The following MPPED2 variants were observed in gnomAD, a reference collection of about 807,000 sequenced individuals.
The protein encoded by MPPED2 is metallophosphoesterase domain containing 2.
Under a neutral mutation model 33.0 loss-of-function variants are expected in MPPED2, and 5 were observed. The ratio of observed to expected loss-of-function variants is 0.15; its 90% CI spans 0.08 to 0.32. The LOEUF is 0.32. Ranked by LOEUF, MPPED2 falls within the 10% of genes least tolerant of loss-of-function variation. MPPED2 has a pLI of 1.00. For missense variants in MPPED2, 275 were observed against 372.1 expected (o/e 0.74, Z 2.15); for synonymous variants, 136 against 141.9 (o/e 0.96, Z 0.29).
chr11:30,539,480 A>G (rs1279324056), intron 2 of MPPED2, among the ~76,000 whole-genome samples: 4 of 152,186 alleles, frequency 2.6e-5, no homozygotes, highest in Admixed American at 2.0e-4. Flanking sequence ...AAAAAAACAT[A>G]GCAGCATAAA....
intron 1 of MPPED2, among the ~76,000 whole-genome samples, chr11:30,583,192 T>C (rs1224745055): frequency 1.6e-5 from 2 of 128,280 alleles, no homozygotes; most frequent in African/African-American, 6.2e-5. Context: ...CAAGGGACAA[T>C]AGACAAAACC....
At chr11:30,476,579 A>G (rs547136914) in intron 4 of MPPED2, among the ~76,000 whole-genome samples, 95 of 151,914 alleles carry the variant, frequency 6.3e-4, no homozygotes, top group African/African-American at 2.0e-3. Context: ...CTGTTTCTGG[A>G]TTTACTTTTC....
intron 4 of MPPED2, chr11:30,429,085 A>G (rs1465311985): frequency 1.3e-5 from 2 of 152,200 alleles, no homozygotes; most frequent in African/African-American, 4.8e-5. Context: ...GGGAGATAGA[A>G]AAGAGAAGTT....
rs74447395 is a variant in MPPED2 at position 30,577,032 on chromosome 11, C to T, written c.128+3214G>A. 7.9e-3 allele frequency among the ~76,000 whole-genome samples: 1,198 copies of T among 152,296 alleles called. 41 individuals carry two copies. In the East Asian group the frequency reaches 0.08, roughly 10 times the overall value. ...CATCAGCTCTGAAATCAGCAATGAG[C>T]TTCATGAAGATGGGGACTGGGTCTT... On this transcript the variant is annotated intron_variant, in intron 2 of 6. Coordinates refer to ENST00000358117, the MANE Select transcript of MPPED2 (RefSeq NM_001584.3).
intron 3 of MPPED2, among the ~76,000 whole-genome samples, chr11:30,510,863 G>A (rs1330619374): frequency 3.3e-5 from 5 of 152,174 alleles, no homozygotes; most frequent in Admixed American, 3.3e-4. Flanking sequence ...CCCATCCAAA[G>A]CTTGTAAAGT....
intron 4 of MPPED2, among the ~76,000 whole-genome samples, chr11:30,422,108 G>A (rs1162562214): frequency 6.6e-6 from 1 of 152,194 alleles, no homozygotes; most frequent in Non-Finnish European, 1.5e-5. Context: ...GTCCTCACTG[G>A]TTCAGTTTCC....
At chr11:30,453,756 G>T (rs1950164094) in intron 4 of MPPED2, among the ~76,000 whole-genome samples, 1 of 152,156 alleles carries the variant, frequency 6.6e-6, no homozygotes, top group Admixed American at 6.5e-5. Context: ...TTCCCCACTT[G>T]GCTTGAAAGG....
intron 3 of MPPED2, among the ~76,000 whole-genome samples, chr11:30,528,933 C>T (rs1284266431): frequency 6.6e-6 from 1 of 152,114 alleles, no homozygotes; most frequent in Non-Finnish European, 1.5e-5. Flanking sequence ...TCTGAAGAAA[C>T]AATTCTACTT....
intron 2 of MPPED2, among the ~76,000 whole-genome samples, chr11:30,567,365 T>A (rs974198615): frequency 2.0e-5 from 3 of 152,180 alleles, no homozygotes; most frequent in Admixed American, 6.5e-5. Context: ...ATTGCACGGT[T>A]TAGGGCAAGA....
intron 4 of MPPED2, chr11:30,428,836 C>G (rs1448854108): frequency 1.3e-5 from 2 of 152,122 alleles, no homozygotes; most frequent in African/African-American, 4.8e-5. Context: ...TAAATGGTGA[C>G]TCTTATCATC....
chr11:30,533,556 A>T (rs1393316126), intron 3 of MPPED2, among the ~76,000 whole-genome samples: 1 of 152,130 alleles, frequency 6.6e-6, no homozygotes, highest in Non-Finnish European at 1.5e-5. Flanking sequence ...TGCTGCTAGA[A>T]GCACCCTTTC....
chr11:30,543,496 G>C (rs1252037764), intron 2 of MPPED2, among the ~76,000 whole-genome samples: 1 of 152,216 alleles, frequency 6.6e-6, no homozygotes, highest in Non-Finnish European at 1.5e-5. Flanking sequence ...ACCGATGAAA[G>C]AGCAGAAACA....
At chr11:30,413,112 T>G (rs1043797789) in intron 6 of MPPED2, among the ~76,000 whole-genome samples, 1 of 152,228 alleles carries the variant, frequency 6.6e-6, no homozygotes, top group Non-Finnish European at 1.5e-5. Context: ...ACTCAGCTGG[T>G]ACCTGCCCTT....
chr11:30,402,424 G>C (rs962852643), intron 6 of MPPED2, among the ~76,000 whole-genome samples: 5 of 152,146 alleles, frequency 3.3e-5, no homozygotes, highest in Non-Finnish European at 7.3e-5. Flanking sequence ...TGTTGGAAAA[G>C]CCCATCACAG....
chr11:30,404,964 C>G (rs1947968158), intron 6 of MPPED2, among the ~76,000 whole-genome samples: 1 of 152,084 alleles, frequency 6.6e-6, no homozygotes, highest in Non-Finnish European at 1.5e-5. Flanking sequence ...GGTCTCTGAC[C>G]TTGGGGAGCT....
chr11:30,440,407 G>A (rs139191417), intron 4 of MPPED2, among the ~76,000 whole-genome samples: 1,615 of 151,760 alleles, frequency 0.011, 22 homozygotes, highest in African/African-American at 0.037. Context: ...CTTCCACACC[G>A]CAATGGCAGA....
chr11:30,539,952 A>G (rs1955010011), intron 2 of MPPED2, among the ~76,000 whole-genome samples: 1 of 152,170 alleles, frequency 6.6e-6, no homozygotes, highest in Admixed American at 6.5e-5. Flanking sequence ...TGAGGTTTCC[A>G]GAGAAGGAGA....
At chr11:30,463,544 C>T (rs1247166638) in intron 4 of MPPED2, among the ~76,000 whole-genome samples, 2 of 152,214 alleles carry the variant, frequency 1.3e-5, no homozygotes, top group Admixed American at 1.3e-4. Context: ...GGATTTTGCT[C>T]TTTCCTCCCA....
intron 4 of MPPED2, among the ~76,000 whole-genome samples, chr11:30,469,749 T>C (rs74778788): frequency 0.022 from 3,424 of 152,298 alleles, 145 homozygotes; most frequent in African/African-American, 0.076. Flanking sequence ...ACCATCATTA[T>C]CATTATCATG....
Sources: gnomAD v4.1 joint callset for allele counts (sites outside exome capture counted in the v4.1 genomes callset) on GRCh38, gnomAD v4.1.1 for gene constraint, MANE v1.5 for transcripts, NCBI Gene and HGNC (gene_info 2026-07-23, HGNC 2026-07-21) for gene names.